The following FRRS1L variants were observed in gnomAD, a reference collection of about 807,000 sequenced individuals.
The protein encoded by FRRS1L is ferric chelate reductase 1 like, also known as DOMON domain-containing protein FRRS1L.
In FRRS1L, 22 loss-of-function variants were observed where a neutral mutation model predicts 28.6. The ratio of observed to expected loss-of-function variants is 0.77; its 90% CI spans 0.55 to 1.10. The LOEUF is 1.10. Among genes scored for constraint, FRRS1L ranks in the 50% least tolerant of loss-of-function variants. FRRS1L has a pLI of 0.00. For synonymous variants in FRRS1L, 158 were observed against 151.4 expected, an observed-to-expected ratio of 1.04 and a Z score of -0.32; for missense variants, 380 against 386.9, an observed-to-expected ratio of 0.98 and a Z score of 0.15.
Position 109,135,275 on chromosome 9 carries a change from C to G in FRRS1L, c.*2180G>C, listed in dbSNP as rs1003062536. 1 of 152,172 alleles carries G rather than the reference C, an allele frequency of 6.6e-6. No homozygotes were observed. The highest frequency in any genetic ancestry group is 6.5e-5 in the Admixed American group (1 of 15,278). The allele number at this position is 152,172 out of a possible 1,614,324, so 9.4% of individuals were successfully genotyped here. ...GGGCAAGCCAGAGAACTCTAGAATGCCAGAGTGGAAATGTCTCAGCAGCAC... is the reference window on the plus strand; with the variant it reads ...GGGCAAGCCAGAGAACTCTAGAATGGCAGAGTGGAAATGTCTCAGCAGCAC... On this transcript the variant is annotated 3_prime_UTR_variant, in exon 5 of 5. Transcript: ENST00000561981.
chr9:109,147,318 T>G, intron 2 of FRRS1L, 129 bp from the exon 3 acceptor site: 1 of 766,324 alleles, frequency 1.3e-6, no homozygotes, highest in South Asian at 1.7e-5. Context: ...CTACCTGGAA[T>G]CTTAAAAACA....
Position 109,145,617 on chromosome 9 carries a change from C to T in FRRS1L, c.462+1434G>A, listed in dbSNP as rs1004210909. Among the ~76,000 whole-genome samples the T allele has an allele frequency of 1.3e-4, 20 of 150,654 alleles. 1 individual carries two copies. The highest frequency in any genetic ancestry group is 1.1e-3 in the Admixed American group (17 of 15,232). ...TCTCAGCTATGTTGGGAGCCCGAGGCAGAAAAATCAAACTTGAACCCAGGA... is the reference window on the plus strand; with the variant it reads ...TCTCAGCTATGTTGGGAGCCCGAGGTAGAAAAATCAAACTTGAACCCAGGA... On this transcript the variant is annotated intron_variant, in intron 3 of 4. Transcript: ENST00000561981.
At chr9:109,157,991 G>A (rs1831432412) in intron 1 of FRRS1L, among the ~76,000 whole-genome samples, 1 of 152,008 alleles carries the variant, frequency 6.6e-6, no homozygotes, top group Non-Finnish European at 1.5e-5. Flanking sequence ...TTCTCATTGT[G>A]TCCTTGTCTG....
chr9:109,162,615 G>A (rs1172010148), intron 1 of FRRS1L, among the ~76,000 whole-genome samples: 7 of 152,228 alleles, frequency 4.6e-5, no homozygotes, highest in East Asian at 3.8e-4. Context: ...GGCCTGCTGC[G>A]TAGTAAGCAC....
At chr9:109,148,430 T>C (rs556276995) in intron 2 of FRRS1L, 3 of 152,212 alleles carry the variant, frequency 2.0e-5, no homozygotes, top group Non-Finnish European at 4.4e-5. Flanking sequence ...AACACAAATT[T>C]AAATTTTCTT....
At chr9:109,146,971 C>A in intron 3 of FRRS1L, 80 bp downstream of exon 3, 1 of 1,294,744 alleles carries the variant, frequency 7.7e-7, no homozygotes, top group Non-Finnish European at 1.1e-6. Context: ...CTGCTTTGAT[C>A]AATTAACTTG....
intron 1 of FRRS1L, among the ~76,000 whole-genome samples, chr9:109,157,514 G>T (rs1831426028): frequency 6.6e-6 from 1 of 152,124 alleles, no homozygotes; most frequent in South Asian, 2.1e-4. Flanking sequence ...AGCACCCTGA[G>T]CAGCTGGGAC....
chr9:109,161,228 C>T (rs1168506790), intron 1 of FRRS1L, among the ~76,000 whole-genome samples: 1 of 152,100 alleles, frequency 6.6e-6, no homozygotes, highest in African/African-American at 2.4e-5. Context: ...CTCTTCCCTT[C>T]GCTCTGTCCG....
chr9:109,157,096 A>T (rs1377151776), intron 1 of FRRS1L, among the ~76,000 whole-genome samples: 1 of 152,140 alleles, frequency 6.6e-6, no homozygotes, highest in Non-Finnish European at 1.5e-5. Context: ...TGCATATCTT[A>T]ATTTTCTTTA....
intron 1 of FRRS1L, among the ~76,000 whole-genome samples, chr9:109,165,587 A>G (rs1005832102): frequency 6.6e-6 from 1 of 152,198 alleles, no homozygotes; most frequent in Admixed American, 6.5e-5. Flanking sequence ...TACTTAATAC[A>G]TTTCCCCAAA....
chr9:109,152,494 C>T (rs10120796), intron 1 of FRRS1L, among the ~76,000 whole-genome samples: 4,774 of 151,310 alleles, frequency 0.032, 233 homozygotes, highest in African/African-American at 0.11. Flanking sequence ...CCATTGGGTA[C>T]GATTGTCTCT....
At chr9:109,144,436 T>C (rs1009616703) in intron 3 of FRRS1L, among the ~76,000 whole-genome samples, 1 of 152,126 alleles carries the variant, frequency 6.6e-6, no homozygotes, top group African/African-American at 2.4e-5. Flanking sequence ...AATGGCGCCA[T>C]CTCAGCTCAC....
intron 3 of FRRS1L, among the ~76,000 whole-genome samples, chr9:109,145,798 C>T (rs1206980298): frequency 6.6e-6 from 1 of 152,146 alleles, no homozygotes; most frequent in Non-Finnish European, 1.5e-5. Context: ...GGTAGCACAC[C>T]CAACAGGGTG....
rs759443940 is a variant in FRRS1L at position 109,137,428 on chromosome 9, T to C, written c.*27A>G. On this transcript the variant is annotated 3_prime_UTR_variant, in exon 5 of 5. Coordinates refer to ENST00000561981, the MANE Select transcript of FRRS1L (RefSeq NM_014334.4). ...TTTATACTAAAGACTTCCCAATCCA[T>C]GTAATCTGTTGGCCCTGCAGCTGTG... The C allele has an allele frequency of 1.4e-6, 2 of 1,419,740 alleles. No individual in the cohort carries two copies. The highest frequency in any genetic ancestry group is 1.9e-6 in the Non-Finnish European group (2 of 1,057,668). The allele number at this position is 1,419,740 out of a possible 1,614,324, so 87.9% of individuals were successfully genotyped here. A position where few individuals can be genotyped will look rare whatever the true frequency, so the allele number is the denominator to read the frequency against.
At chr9:109,142,785 C>T (rs1440094703) in intron 3 of FRRS1L, among the ~76,000 whole-genome samples, 3 of 148,930 alleles carry the variant, frequency 2.0e-5, no homozygotes, top group Non-Finnish European at 3.0e-5. Context: ...GCAGCTTGGG[C>T]AATAGGGTGA....
rs1831061860 is a variant in FRRS1L, at chr9:109,131,953, C to CTTTCA, written c.*5501_*5502insTGAAA. ...CATGGTGCAGCAGATTTTGATACAA[C>CTTTCA]TTTTATTTTATTTTATTTTATTTTA... On this transcript the variant is annotated 3_prime_UTR_variant, in exon 5 of 5. Transcript: ENST00000561981. 6.7e-6 allele frequency: 1 copy of CTTTCA among 148,868 alleles called. No homozygotes were observed. Among genetic ancestry groups the CTTTCA allele is most frequent in the Non-Finnish European group, 1.5e-5 (1 of 66,978 alleles). The allele number at this position is 148,868 out of a possible 1,614,324, so 9.2% of individuals were successfully genotyped here.
At chr9:109,154,924 A>G (rs1831384925) in intron 1 of FRRS1L, among the ~76,000 whole-genome samples, 1 of 152,350 alleles carries the variant, frequency 6.6e-6, no homozygotes, top group East Asian at 1.9e-4. Context: ...TGTCCAGGGT[A>G]AAGTCCTGCC....
intron 4 of FRRS1L, 55 bp from the exon 5 acceptor site, chr9:109,137,682 T>C (rs925153757): frequency 1.8e-6 from 2 of 1,135,414 alleles, no homozygotes; most frequent in Non-Finnish European, 2.4e-6. Flanking sequence ...AGATTTATAA[T>C]GGTATAGGCA....
At chr9:109,147,263 T>C in intron 2 of FRRS1L, 74 bp from the exon 3 acceptor site, 3 of 1,206,562 alleles carry the variant, frequency 2.5e-6, no homozygotes, top group East Asian at 2.3e-5. Flanking sequence ...CTACCATGTA[T>C]CATGTGGGAT....
Sources: allele counts gnomAD v4.1 joint callset (sites outside exome capture counted in the v4.1 genomes callset), GRCh38; gene constraint gnomAD v4.1.1; transcripts MANE v1.5; gene names NCBI Gene and HGNC (gene_info 2026-07-23, HGNC 2026-07-21).